NPHP4: variants seen among roughly 807,000 people sequenced by gnomAD.
NPHP4 encodes nephrocystin-4.
A neutral mutation model predicts 155.8 loss-of-function variants in NPHP4; 151 were observed. The observed-to-expected ratio is 0.97, with a 90% CI of 0.85 to 1.11. The LOEUF (loss-of-function observed/expected upper bound fraction) is 1.11. Ranked by LOEUF, NPHP4 falls within the 50% of genes least tolerant of loss-of-function variation. The pLI is 0.00. For synonymous variants in NPHP4, 845 were observed against 816.8 expected, an observed-to-expected ratio of 1.03 and a Z score of -0.59; for missense variants, 1,956 against 1,925.7, an observed-to-expected ratio of 1.02 and a Z score of -0.29.
At chr1:5,864,783 C>T (rs530232187) in intron 27 of NPHP4, 56 of 538,696 alleles carry the variant, frequency 1.0e-4, no homozygotes, top group African/African-American at 9.8e-4. Flanking sequence ...CTTAAAACCC[C>T]GGCCAGCTGG....
At chr1:5,933,799 C>G (rs11576617) in intron 9 of NPHP4, among the ~76,000 whole-genome samples, 1 of 152,098 alleles carries the variant, frequency 6.6e-6, no homozygotes, top group East Asian at 1.9e-4. Flanking sequence ...GTATATTCAA[C>G]TCAGCATTAT....
chr1:5,965,766 A>G (rs552858649), intron 5 of NPHP4, among the ~76,000 whole-genome samples: 3 of 152,170 alleles, frequency 2.0e-5, no homozygotes, highest in Admixed American at 1.3e-4. Flanking sequence ...GCTGCTGCCC[A>G]GCGATCACCC....
At chr1:5,876,237 A>AAGGGAGGG in intron 20 of NPHP4, 1 of 143,820 alleles carries the variant, frequency 7.0e-6, no homozygotes, top group East Asian at 2.4e-4. Flanking sequence ...GGGAGGGAGG[A>AAGGGAGGG]AGGGAGGGAG....
At chr1:5,883,011 C>T (rs147571490) in intron 18 of NPHP4, among the ~76,000 whole-genome samples, 1 of 152,198 alleles carries the variant, frequency 6.6e-6, no homozygotes, top group Non-Finnish European at 1.5e-5. Flanking sequence ...CCAGGAAGAA[C>T]AGGGCTCCCG....
At chr1:5,938,877 C>A (rs1488777926) in intron 9 of NPHP4, among the ~76,000 whole-genome samples, 1 of 152,224 alleles carries the variant, frequency 6.6e-6, no homozygotes, top group Non-Finnish European at 1.5e-5. Flanking sequence ...CTTCGGCCAA[C>A]AACTGTTAGA....
rs1023135003 is a variant in NPHP4 at position 5,871,359 on chromosome 1, A to G, written c.3315+1893T>C. On this transcript the variant is annotated intron_variant, in intron 23 of 29. Transcript: ENST00000378156. ...CCTCCATGGGATGAGAAATACAAAT[A>G]TAACGCCTCGGTGTCCATCATGAGA... Among the ~76,000 whole-genome samples, 3 of 152,220 alleles carry G rather than the reference A, an allele frequency of 2.0e-5. No individual in the cohort carries two copies. The South Asian group carries it at 6.2e-4, about 31-fold the overall frequency.
chr1:5,972,946 T>G (rs146412778), intron 3 of NPHP4, among the ~76,000 whole-genome samples: 2 of 151,992 alleles, frequency 1.3e-5, no homozygotes, highest in African/African-American at 4.8e-5. Context: ...TGCAGTGGCG[T>G]GAATCTCAGC....
chr1:5,964,582 C>A (rs1650993629), intron 5 of NPHP4, among the ~76,000 whole-genome samples: 2 of 152,164 alleles, frequency 1.3e-5, no homozygotes, highest in Non-Finnish European at 2.9e-5. Flanking sequence ...GTCCCACCCT[C>A]CCGGCCTGTA....
intron 10 of NPHP4, among the ~76,000 whole-genome samples, chr1:5,931,371 G>A (rs1254606125): frequency 6.7e-6 from 1 of 148,374 alleles, no homozygotes; most frequent in Admixed American, 6.7e-5. Flanking sequence ...ATACTATACT[G>A]TAGTCAATAG....
chr1:5,964,594 C>A (rs371707454), intron 5 of NPHP4, among the ~76,000 whole-genome samples: 3 of 152,212 alleles, frequency 2.0e-5, no homozygotes, highest in Non-Finnish European at 4.4e-5. Flanking sequence ...CGGCCTGTAC[C>A]CAGTCCTTCA....
chr1:5,979,984 T>C (rs1335042585), intron 2 of NPHP4, among the ~76,000 whole-genome samples: 1 of 152,092 alleles, frequency 6.6e-6, no homozygotes, highest in African/African-American at 2.4e-5. Context: ...CCACTACCTC[T>C]GTCTGGCTCA....
At chr1:5,914,271 A>AAAG (rs1216515100) in intron 11 of NPHP4, among the ~76,000 whole-genome samples, 2 of 141,274 alleles carry the variant, frequency 1.4e-5, no homozygotes, top group Non-Finnish European at 3.0e-5. Context: ...AAAAAAAAAA[A>AAAG]AAAAAAAAAA....
chr1:5,981,077 GCT>G (rs1654605144), intron 2 of NPHP4, among the ~76,000 whole-genome samples: 1 of 152,144 alleles, frequency 6.6e-6, no homozygotes, highest in African/African-American at 2.4e-5. Flanking sequence ...TCTGTTCCCT[GCT>G]CTGTCCCTGG....
chr1:5,916,088 T>C (rs1199593552), intron 11 of NPHP4, among the ~76,000 whole-genome samples: 1 of 152,130 alleles, frequency 6.6e-6, no homozygotes, highest in Non-Finnish European at 1.5e-5. Flanking sequence ...CAAACCAAAA[T>C]TCTGACACCA....
chr1:5,946,018 A>G (rs1320053952), intron 9 of NPHP4, among the ~76,000 whole-genome samples: 3 of 152,138 alleles, frequency 2.0e-5, no homozygotes, highest in Non-Finnish European at 4.4e-5. Context: ...TTATTACTGT[A>G]TATTATAATT....
intron 16 of NPHP4, among the ~76,000 whole-genome samples, chr1:5,900,857 C>T (rs557859923): frequency 7.1e-4 from 108 of 152,044 alleles, no homozygotes; most frequent in African/African-American, 2.6e-3. Context: ...AAGGCAAAAC[C>T]CCATCTCTAC....
chr1:5,912,044 G>C (rs1430274828), intron 11 of NPHP4, among the ~76,000 whole-genome samples: 1 of 152,222 alleles, frequency 6.6e-6, no homozygotes, highest in Non-Finnish European at 1.5e-5. Context: ...AGGAGCAGCT[G>C]CGGTGAGCAG....
chr1:5,870,148 C>T (rs769433890), intron 23 of NPHP4, among the ~76,000 whole-genome samples: 4 of 152,128 alleles, frequency 2.6e-5, no homozygotes, highest in Admixed American at 6.5e-5. Flanking sequence ...CAAAGGAACC[C>T]GAGCTAAATA....
intron 17 of NPHP4, chr1:5,888,722 C>T (rs1439897046): frequency 1.1e-5 from 8 of 750,410 alleles, no homozygotes; most frequent in Non-Finnish European, 2.0e-6. Flanking sequence ...TCAAAATGGC[C>T]ACTGGCGACT....
Sources: gnomAD v4.1 joint callset for allele counts (sites outside exome capture counted in the v4.1 genomes callset) on GRCh38, gnomAD v4.1.1 for gene constraint, MANE v1.5 for transcripts, NCBI Gene and HGNC (gene_info 2026-07-23, HGNC 2026-07-21) for gene names.